Variants in TCF25 observed in about 807,000 individuals in gnomAD.
TCF25 encodes TCF25 ribosome quality control complex subunit, also known as ribosome quality control complex subunit TCF25.
A neutral mutation model predicts 83.1 loss-of-function variants in TCF25; 41 were observed. The ratio of observed to expected loss-of-function variants is 0.49; its 90% CI spans 0.38 to 0.64. The LOEUF (loss-of-function observed/expected upper bound fraction) is 0.64, where lower values mean the gene tolerates loss of function less well. Ranked by LOEUF, TCF25 falls within the 30% of genes least tolerant of loss-of-function variation. The pLI, the probability that TCF25 is intolerant of heterozygous loss-of-function variation, is 0.00. For synonymous variants in TCF25, 458 were observed against 365.0 expected (o/e 1.25, Z -2.90); for missense variants, 979 against 914.5 (o/e 1.07, Z -0.91).
At chr16:89,876,289 A>G (rs994892048) in intron 1 of TCF25, among the ~76,000 whole-genome samples, 1 of 152,258 alleles carries the variant, frequency 6.6e-6, no homozygotes, top group Non-Finnish European at 1.5e-5. Flanking sequence ...ATATTTGGAA[A>G]TAATATAATC....
chr16:89,907,642 TTCCCACC>T (rs2045003914), intron 16 of TCF25, among the ~76,000 whole-genome samples: 1 of 11,062 alleles, frequency 9.0e-5, no homozygotes, highest in Non-Finnish European at 1.9e-4. Context: ...CTCATCCTAG[TTCCCACC>T]TCCCAGCTCC....
intron 12 of TCF25, among the ~76,000 whole-genome samples, chr16:89,903,737 G>A (rs1406317533): frequency 1.3e-5 from 2 of 152,136 alleles, no homozygotes; most frequent in African/African-American, 4.8e-5. Flanking sequence ...AGCCTGGGAG[G>A]TGGAGGTTGC....
chr16:89,904,087 G>A, intron 12 of TCF25, 31 bp from the exon 13 acceptor site: 1 of 1,588,558 alleles, frequency 6.3e-7, no homozygotes, highest in African/African-American at 1.3e-5. Context: ...GTGTGCTGAG[G>A]GCCCCCACAG....
chr16:89,908,212 C>T (rs2045128214), intron 16 of TCF25, among the ~76,000 whole-genome samples: 1 of 128,536 alleles, frequency 7.8e-6, no homozygotes, highest in African/African-American at 3.0e-5. Flanking sequence ...TCCCACCTTC[C>T]AACCCCGCCT....
chr16:89,888,679 C>CTTT (rs530768255), intron 5 of TCF25, among the ~76,000 whole-genome samples: 2 of 135,054 alleles, frequency 1.5e-5, no homozygotes, highest in African/African-American at 2.8e-5. Context: ...CTCTTTCTTT[C>CTTT]TTTTTTTTTT....
chr16:89,898,893 G>A, intron 11 of TCF25, 21 bp downstream of exon 11: 1 of 1,607,596 alleles, frequency 6.2e-7, no homozygotes, highest in Non-Finnish European at 8.5e-7. Context: ...GCCTGGTGAG[G>A]CCCCGTGGAG....
intron 14 of TCF25, among the ~76,000 whole-genome samples, chr16:89,905,859 A>G (rs927571484): frequency 6.6e-6 from 1 of 152,238 alleles, no homozygotes; most frequent in Admixed American, 6.5e-5. Flanking sequence ...CGTAGCAGTG[A>G]CGATGGTGAC....
chr16:89,906,032 C>T, intron 14 of TCF25, 162 bp from the exon 15 acceptor site: 1 of 655,848 alleles, frequency 1.5e-6, no homozygotes, highest in South Asian at 1.8e-5. Context: ...CAGGGACCAG[C>T]CATGGTGCCT....
At chr16:89,907,464 C>CAGT (rs1567741642) in intron 16 of TCF25, 142 bp downstream of exon 16, 8 of 376,736 alleles carry the variant, frequency 2.1e-5, no homozygotes, top group East Asian at 5.6e-5. Context: ...TCCCACCTCC[C>CAGT]TCCTCCCACC....
intron 8 of TCF25, 27 bp from the exon 9 acceptor site, chr16:89,895,963 C>T: frequency 1.2e-6 from 2 of 1,606,072 alleles, no homozygotes; most frequent in South Asian, 2.2e-5. Context: ...GCCATGACAC[C>T]CTCCCCTGGC....
At chr16:89,904,882 C>G (rs775603598) in intron 13 of TCF25, 56 bp from the exon 14 acceptor site, 3 of 1,562,198 alleles carry the variant, frequency 1.9e-6, no homozygotes, top group Non-Finnish European at 2.6e-6. Flanking sequence ...CTGCCAGCCT[C>G]GAGGCAGGCT....
At chr16:89,885,996 CCTTCTCT>C in intron 4 of TCF25, 30 bp downstream of exon 4, 1 of 1,587,742 alleles carries the variant, frequency 6.3e-7, no homozygotes, top group South Asian at 1.1e-5. Context: ...CTGCGGCTGC[CCTTCTCT>C]GCGGCTGCCC....
intron 5 of TCF25, among the ~76,000 whole-genome samples, chr16:89,888,687 T>A (rs1413985260): frequency 6.6e-6 from 1 of 150,954 alleles, no homozygotes; most frequent in Non-Finnish European, 1.5e-5. Context: ...TTCTTTTTTT[T>A]TTTTTTTGAG....
intron 13 of TCF25, 177 bp downstream of exon 13, chr16:89,904,382 G>A (rs1480272795): frequency 1.2e-5 from 8 of 690,960 alleles, no homozygotes; most frequent in African/African-American, 1.8e-5. Context: ...TCATCTGTGT[G>A]GAAAAGTCCA....
chr16:89,886,769 G>GA (rs923762808), intron 4 of TCF25, among the ~76,000 whole-genome samples: 36 of 146,338 alleles, frequency 2.5e-4, no homozygotes, highest in Middle Eastern at 3.5e-3. Context: ...TCAAAAAAAA[G>GA]AAAAAAAAAA....
chr16:89,883,162 C>A (rs1207951942), intron 1 of TCF25, among the ~76,000 whole-genome samples, 189 bp from the exon 2 acceptor site: 1 of 151,962 alleles, frequency 6.6e-6, no homozygotes, highest in Non-Finnish European at 1.5e-5. Context: ...CTGACAAAGT[C>A]CCCCTGAGCC....
At chr16:89,910,866 G>C (rs893887880) in intron 17 of TCF25, among the ~76,000 whole-genome samples, 1 of 152,254 alleles carries the variant, frequency 6.6e-6, no homozygotes. Flanking sequence ...ATGCAGGGCC[G>C]TGAGTCAGCC....
At chr16:89,892,616 T>C (rs909753546) in intron 6 of TCF25, among the ~76,000 whole-genome samples, 4 of 152,238 alleles carry the variant, frequency 2.6e-5, no homozygotes, top group Admixed American at 1.3e-4. Flanking sequence ...CTTCCTACCA[T>C]TCTGCCATCG....
intron 1 of TCF25, among the ~76,000 whole-genome samples, chr16:89,881,578 G>A (rs1006559917): frequency 3.3e-5 from 5 of 151,978 alleles, no homozygotes; most frequent in African/African-American, 1.2e-4. Flanking sequence ...AGCCGCCTGA[G>A]TAGCTGGGAC....
Sources: gnomAD v4.1 joint callset for allele counts (sites outside exome capture counted in the v4.1 genomes callset) on GRCh38, gnomAD v4.1.1 for gene constraint, MANE v1.5 for transcripts, NCBI Gene and HGNC (gene_info 2026-07-23, HGNC 2026-07-21) for gene names.